The following IQGAP1 variants were observed in gnomAD, a reference collection of about 807,000 sequenced individuals.
IQGAP1 encodes the protein IQ motif containing GTPase activating protein 1.
In IQGAP1, 66 loss-of-function variants were observed where a neutral mutation model predicts 215.6. The ratio of observed to expected loss-of-function variants is 0.31; its 90% CI spans 0.25 to 0.38. The LOEUF (loss-of-function observed/expected upper bound fraction) is 0.38. IQGAP1 is among the 10% of genes least tolerant of loss of function. The pLI is 1.00. For synonymous variants in IQGAP1, 772 were observed against 728.7 expected (o/e 1.06, Z -0.96); for missense variants, 1,712 against 1,997.1 (o/e 0.86, Z 2.72).
Position 90,482,048 on chromosome 15 carries a change from G to A in IQGAP1, c.3418G>A (p.Ala1140Thr). ...RLDSSIRNMR[A>T]VTDKFLSAIV... The stretch of plus-strand genomic sequence containing the variant: ...AGACAGCTCCATCAGGAACATGCGG[G>A]CTGTGACAGACAAGTTTCTCTCAGC... Residue 1140 changes from alanine (A) to threonine (T), a missense_variant, in exon 27 of 38, where the codon GCT (alanine) becomes ACT (threonine). By Grantham distance (58) the Ala-to-Thr change is moderately conservative (BLOSUM62 0). Around this residue, in one of 2 missense-constraint regions of IQGAP1, gnomAD observed 691 missense variants for 923.0 expected, o/e 0.75. Transcript: ENST00000268182. The A allele has an allele frequency of 6.2e-7, 1 of 1,614,226 alleles. No homozygotes were observed. The highest frequency in any genetic ancestry group is 1.1e-5 in the South Asian group (1 of 91,086).
chr15:90,456,333 T>C lies in IQGAP1; in HGVS notation c.1776+18T>C. On this transcript the variant is annotated intron_variant, in intron 15 of 37. Transcript: ENST00000268182. ...AAGCCCAGGTGAGTGGCATCGGAAT[T>C]GTTCTTTATGTTCAGAGCACCTCAG... The C allele has an allele frequency of 6.2e-7, 1 of 1,613,006 alleles. No homozygotes were observed.
chr15:90,453,298 T>G lies in IQGAP1; in HGVS notation c.1487+6T>G. ...GAGGAAGAAAACTGTCAGAGGTGGG[T>G]GTCCAGAGTGAAGGGAATAAATCCA... On this transcript the variant is annotated splice_donor_region_variant and intron_variant, in intron 13 of 37. Transcript: ENST00000268182. The G allele has an allele frequency of 6.2e-7, 1 of 1,606,660 alleles. No homozygotes were observed.
intron 2 of IQGAP1, among the ~76,000 whole-genome samples, chr15:90,417,243 TG>T (rs1170138288): frequency 6.6e-6 from 1 of 152,240 alleles, no homozygotes; most frequent in Non-Finnish European, 1.5e-5. Flanking sequence ...TGGCTTTTGT[TG>T]CCATTGCTTT....
At chr15:90,413,481 G>A (rs994699191) in intron 2 of IQGAP1, among the ~76,000 whole-genome samples, 33 of 152,282 alleles carry the variant, frequency 2.2e-4, no homozygotes, top group South Asian at 1.5e-3. Flanking sequence ...CTTAAAGCAG[G>A]AGCTTAAGGG....
chr15:90,493,348 CCT>C (rs1966231635), intron 35 of IQGAP1, among the ~76,000 whole-genome samples: 1 of 152,102 alleles, frequency 6.6e-6, no homozygotes, highest in African/African-American at 2.4e-5. Context: ...TCCCCTTGCT[CCT>C]CTCTATACTT....
chr15:90,421,172 C>G (rs1490552631), intron 2 of IQGAP1, among the ~76,000 whole-genome samples: 1 of 149,522 alleles, frequency 6.7e-6, no homozygotes, highest in Non-Finnish European at 1.5e-5. Context: ...CTTCATAAAG[C>G]TAAATTTATA....
At chr15:90,432,703 G>A (rs1965319250) in intron 4 of IQGAP1, among the ~76,000 whole-genome samples, 2 of 152,016 alleles carry the variant, frequency 1.3e-5, no homozygotes, top group Non-Finnish European at 2.9e-5. Context: ...TATTTGGAAG[G>A]CCTTTTGCTC....
chr15:90,447,748 G>C (rs1040217500), intron 9 of IQGAP1, among the ~76,000 whole-genome samples: 2 of 151,882 alleles, frequency 1.3e-5, no homozygotes, highest in Non-Finnish European at 2.9e-5. Context: ...TATATAAAGT[G>C]CTTTTATGTA....
intron 26 of IQGAP1, 25 bp from the exon 27 acceptor site, chr15:90,481,935 T>A: frequency 6.2e-7 from 1 of 1,613,406 alleles, no homozygotes; most frequent in Non-Finnish European, 8.5e-7. Context: ...TCTAACATAG[T>A]TGGGTATAAT....
chr15:90,451,538 C>T (rs749386975), intron 11 of IQGAP1, among the ~76,000 whole-genome samples: 4 of 152,094 alleles, frequency 2.6e-5, no homozygotes, highest in South Asian at 2.1e-4. Context: ...GGCACAAAGC[C>T]GTTGATGAGA....
Position 90,440,495 on chromosome 15 carries a change from C to T in IQGAP1, c.536-7C>T, listed in dbSNP as rs2151018993. 3.2e-6 allele frequency: 5 copies of T among 1,543,216 alleles called. No homozygotes were observed. The highest frequency in any genetic ancestry group is 4.4e-6 in the Non-Finnish European group (5 of 1,136,326). ...TTGATTGACTGATTATTAATTCCCT[C>T]CTGTAGAAGAAGAAATCAACAACAT... On this transcript the variant is annotated splice_polypyrimidine_tract_variant and splice_region_variant and intron_variant, in intron 6 of 37. Coordinates refer to ENST00000268182, the MANE Select transcript of IQGAP1 (RefSeq NM_003870.4).
intron 4 of IQGAP1, among the ~76,000 whole-genome samples, chr15:90,430,279 C>G (rs1965283869): frequency 6.6e-6 from 1 of 152,154 alleles, no homozygotes; most frequent in Non-Finnish European, 1.5e-5. Context: ...TGTATGGTCA[C>G]TCTTAGAGAC....
chr15:90,408,409 G>A (rs1964910544), intron 2 of IQGAP1, among the ~76,000 whole-genome samples: 1 of 152,146 alleles, frequency 6.6e-6, no homozygotes, highest in African/African-American at 2.4e-5. Context: ...GTGTCTTTCA[G>A]TAGAGTCTTT....
chr15:90,399,004 C>CAA (rs771595366), intron 2 of IQGAP1, among the ~76,000 whole-genome samples: 3,747 of 86,678 alleles, frequency 0.043, 237 homozygotes, highest in African/African-American at 0.13. Flanking sequence ...GACATTGTCT[C>CAA]AAAAAAAAAA....
In IQGAP1 at chr15:90,466,197, T is replaced by C. The variant is rs1190640308; in HGVS notation, c.1868-72T>C. On this transcript the variant is annotated intron_variant, in intron 16 of 37. Transcript: ENST00000268182. ...TGGGGGAACAATTTGCCAGTAGATA[T>C]AGTTAGGTGAAGCAGTATGTGAATT... is the stretch of plus-strand genomic sequence containing the variant. The C allele has an allele frequency of 1.8e-5, 28 of 1,578,600 alleles. No individual in the cohort carries two copies. In the Admixed American group the frequency reaches 3.3e-4, roughly 19 times the overall value.
intron 3 of IQGAP1, among the ~76,000 whole-genome samples, chr15:90,427,783 T>A (rs985290573): frequency 6.6e-6 from 1 of 152,120 alleles, no homozygotes; most frequent in African/African-American, 2.4e-5. Flanking sequence ...AATTTTCTTG[T>A]CTACAGAGGT....
At chr15:90,407,557 C>T (rs1964896974) in intron 2 of IQGAP1, among the ~76,000 whole-genome samples, 1 of 152,112 alleles carries the variant, frequency 6.6e-6, no homozygotes, top group Admixed American at 6.5e-5. Context: ...TGGGAAAACC[C>T]GTGTTGCAGA....
In IQGAP1 at chr15:90,466,294, T is replaced by A; in HGVS notation, c.1893T>A (p.Asn631Lys). The part of the protein sequence containing the change: ...QKFALGIFAI[N>K]EAVESGDVGK... The stretch of plus-strand genomic sequence containing the variant: ...TTGCCTTAGGAATCTTTGCCATTAA[T>A]GAGGCAGTAGAAAGTGGTGATGTTG... Residue 631 changes from asparagine (N) to lysine (K), a missense_variant, in exon 17 of 38, where the codon AAT (asparagine) becomes AAA (lysine). This residue lies in a region of IQGAP1 where 1,021 missense variants were observed against 1,074.2 expected (regional missense o/e 0.95). Coordinates refer to ENST00000268182, the MANE Select transcript of IQGAP1 (RefSeq NM_003870.4). 1 of 1,614,186 alleles carries A rather than the reference T, an allele frequency of 6.2e-7. No homozygotes were observed. Among genetic ancestry groups the A allele is most frequent in the Non-Finnish European group, 8.5e-7 (1 of 1,180,020 alleles).
At chr15:90,409,235 CTTTTTTTTTTTT>C (rs138296381) in intron 2 of IQGAP1, among the ~76,000 whole-genome samples, 1 of 118,450 alleles carries the variant, frequency 8.4e-6, no homozygotes, top group Non-Finnish European at 1.7e-5. Flanking sequence ...CCTATATTCA[CTTTTTTTTTTTT>C]TTTTTTTTTA....
Sources: gnomAD v4.1 joint callset for allele counts (sites outside exome capture counted in the v4.1 genomes callset) on GRCh38, gnomAD v4.1.1 for gene constraint, gnomAD v4.1.1 regional missense constraint, MANE v1.5 for transcripts, NCBI Gene and HGNC (gene_info 2026-07-23, HGNC 2026-07-21) for gene names.